THRB: variants seen among roughly 807,000 people sequenced by gnomAD.
The protein encoded by THRB is thyroid hormone receptor beta.
THRB carries 12 observed loss-of-function variants against 47.8 expected under a neutral mutation model. The ratio of observed to expected loss-of-function variants is 0.25; its 90% CI spans 0.16 to 0.41. The LOEUF (loss-of-function observed/expected upper bound fraction) is 0.41, where lower values mean the gene tolerates loss of function less well. Ranked by LOEUF, THRB falls within the 10% of genes least tolerant of loss-of-function variation. THRB has a pLI of 1.00. For synonymous variants in THRB, 218 were observed against 212.2 expected (o/e 1.03, Z -0.24); for missense variants, 348 against 589.2 (o/e 0.59, Z 4.24).
In THRB at chr3:24,297,285, G is replaced by A. The variant is rs533602379; in HGVS notation, c.-102C>T. 4 of 152,304 alleles carry A rather than the reference G, an allele frequency of 2.6e-5. No individual in the cohort carries two copies. Among genetic ancestry groups the A allele is most frequent in the South Asian group, 2.1e-4 (1 of 4,826 alleles). 9.4% of individuals were successfully genotyped at this position (152,304 alleles called of 1,614,324 possible). A position where few individuals can be genotyped will look rare whatever the true frequency, so the allele number is the denominator to read the frequency against. On this transcript the variant is annotated 5_prime_UTR_variant, in exon 3 of 11. The change creates a new upstream start codon in the 5' untranslated region. Transcript: ENST00000646209. ...ATAACAGGCTTTCAGTCTTCAAGAC[G>A]TTTGTTTTTCTGCATTTCCTCTTCC...
chr3:24,458,667 C>A (rs2073411978), intron 1 of THRB: 2 of 152,268 alleles, frequency 1.3e-5, no homozygotes, highest in East Asian at 3.9e-4. Context: ...AATGTATCAG[C>A]AACCTGAAGG....
At chr3:24,190,035 T>A (rs375587223) in intron 5 of THRB, 39 bp downstream of exon 5, 9 of 1,606,524 alleles carry the variant, frequency 5.6e-6, no homozygotes, top group Non-Finnish European at 7.7e-6. Context: ...TTTTTTCTTG[T>A]TGAAACACAT....
In THRB at chr3:24,216,876, C is replaced by A. The variant is rs189649213; in HGVS notation, c.22+12062G>T. On this transcript the variant is annotated intron_variant, in intron 4 of 10. Coordinates refer to ENST00000646209, the MANE Select transcript of THRB (RefSeq NM_001354712.2). ...TCATGAATATTTTCATTATGCATTGCTGAGTTCGATGGGCTATTTTATATT... is the reference window on the plus strand; with the variant it reads ...TCATGAATATTTTCATTATGCATTGATGAGTTCGATGGGCTATTTTATATT... Among the ~76,000 whole-genome samples the A allele has an allele frequency of 3.6e-3, 553 of 152,008 alleles. 8 individuals carry two copies. Among genetic ancestry groups the A allele is most frequent in the South Asian group, 0.028 (136 of 4,814 alleles).
chr3:24,399,271 A>C (rs1270526046), intron 1 of THRB, among the ~76,000 whole-genome samples: 1 of 152,022 alleles, frequency 6.6e-6, no homozygotes, highest in African/African-American at 2.4e-5. Flanking sequence ...CACATATATA[A>C]TTGTGTCAAA....
chr3:24,173,866 T>C (rs2040774864), intron 5 of THRB, among the ~76,000 whole-genome samples: 1 of 152,154 alleles, frequency 6.6e-6, no homozygotes, highest in African/African-American at 2.4e-5. Context: ...CAGACCTGCA[T>C]TCCAGCCACC....
intron 4 of THRB, among the ~76,000 whole-genome samples, chr3:24,202,186 T>C (rs970135658): frequency 1.3e-5 from 2 of 152,160 alleles, no homozygotes; most frequent in African/African-American, 4.8e-5. Flanking sequence ...GAAATATGGC[T>C]CAGAGAGGTC....
intron 1 of THRB, among the ~76,000 whole-genome samples, chr3:24,404,365 G>A (rs1464738552): frequency 2.0e-5 from 3 of 151,902 alleles, no homozygotes; most frequent in Admixed American, 6.6e-5. Context: ...TTGAGTTTTG[G>A]TGTAGTATCA....
chr3:24,204,753 GAA>G (rs1252570012), intron 4 of THRB, among the ~76,000 whole-genome samples: 1 of 152,094 alleles, frequency 6.6e-6, no homozygotes, highest in African/African-American at 2.4e-5. Flanking sequence ...TAAAAACCTT[GAA>G]AAAAGATTAG....
chr3:24,206,124 T>C (rs1272099972), intron 4 of THRB, among the ~76,000 whole-genome samples: 1 of 152,130 alleles, frequency 6.6e-6, no homozygotes, highest in Non-Finnish European at 1.5e-5. Context: ...TATCCAGGAA[T>C]TGAACTCACC....
intron 1 of THRB, among the ~76,000 whole-genome samples, chr3:24,467,852 C>T (rs1272509219): frequency 6.6e-6 from 1 of 151,276 alleles, no homozygotes; most frequent in Non-Finnish European, 1.5e-5. Flanking sequence ...TCATCTGCTG[C>T]ATTAACCTCT....
At chr3:24,471,459 C>T (rs2074564036) in intron 1 of THRB, among the ~76,000 whole-genome samples, 1 of 152,184 alleles carries the variant, frequency 6.6e-6, no homozygotes, top group South Asian at 2.1e-4. Flanking sequence ...TTTGGGCCTC[C>T]AACATATATC....
chr3:24,451,341 C>A (rs1014502857), intron 1 of THRB, among the ~76,000 whole-genome samples: 1 of 148,000 alleles, frequency 6.8e-6, no homozygotes, highest in Non-Finnish European at 1.5e-5. Flanking sequence ...TCAAGCGATT[C>A]TCCTGCCTCA....
Position 24,152,383 on chromosome 3 carries a change from C to A in THRB, c.384+7G>T. 1 of 1,579,714 alleles carries A rather than the reference C, an allele frequency of 6.3e-7. No individual in the cohort carries two copies. Among genetic ancestry groups the A allele is most frequent in the Non-Finnish European group, 8.7e-7 (1 of 1,148,928 alleles). On this transcript the variant is annotated splice_region_variant and intron_variant, in intron 6 of 10. Coordinates refer to ENST00000646209, the MANE Select transcript of THRB (RefSeq NM_001354712.2). ...AAGCTCTGTGCTTGTGGACCCAGGGCAATTACCTTGCAGCCTTCACACGTG... is the reference window on the plus strand; with the variant it reads ...AAGCTCTGTGCTTGTGGACCCAGGGAAATTACCTTGCAGCCTTCACACGTG...
chr3:24,127,383 G>A, intron 10 of THRB, 116 bp downstream of exon 10: 3 of 1,128,450 alleles, frequency 2.7e-6, no homozygotes, highest in Non-Finnish European at 3.9e-6. Context: ...TCTTACTGAA[G>A]AAGAGTGAGC....
intron 1 of THRB, among the ~76,000 whole-genome samples, chr3:24,395,049 C>T (rs2066856572): frequency 6.6e-6 from 1 of 152,080 alleles, no homozygotes; most frequent in Non-Finnish European, 1.5e-5. Context: ...ATTTTAAAAA[C>T]TCACTCTAGA....
At chr3:24,196,242 A>T (rs543785923) in intron 4 of THRB, among the ~76,000 whole-genome samples, 7 of 152,168 alleles carry the variant, frequency 4.6e-5, no homozygotes, top group Non-Finnish European at 7.3e-5. Context: ...GTTGCCAAGG[A>T]CTGTAAACTT....
intron 1 of THRB, among the ~76,000 whole-genome samples, chr3:24,480,337 A>G (rs1696177236): frequency 6.6e-6 from 1 of 152,134 alleles, no homozygotes; most frequent in South Asian, 2.1e-4. Context: ...ATTACTAGAG[A>G]TTGGCCAATT....
At position 24,166,504 on chromosome 3, in the gene THRB, A is replaced by G. The variant is rs142678760; in HGVS notation, c.284-14014T>C. ...AACAGCATTTTCTGTAAGAATCATC[A>G]TATCTTTTAACTAAGGAGTTAACAA... On this transcript the variant is annotated intron_variant, in intron 5 of 10. Coordinates refer to ENST00000646209, the MANE Select transcript of THRB (RefSeq NM_001354712.2). Among the ~76,000 whole-genome samples, 15 of 152,332 alleles carry G rather than the reference A, an allele frequency of 9.8e-5. No individual in the cohort carries two copies. The East Asian group carries it at 2.9e-3, about 29-fold the overall frequency.
intron 1 of THRB, among the ~76,000 whole-genome samples, chr3:24,432,131 T>C (rs2070489089): frequency 6.6e-6 from 1 of 152,056 alleles, no homozygotes; most frequent in South Asian, 2.1e-4. Context: ...GGGGGATTTA[T>C]TCCATTACCA....
Sources: gnomAD v4.1 joint callset for allele counts (sites outside exome capture counted in the v4.1 genomes callset) on GRCh38, gnomAD v4.1.1 for gene constraint, MANE v1.5 for transcripts, NCBI Gene and HGNC (gene_info 2026-07-23, HGNC 2026-07-21) for gene names.